Variants in PCSK2 observed in about 807,000 individuals in gnomAD.
PCSK2 encodes the protein proprotein convertase subtilisin/kexin type 2.
PCSK2 carries 14 observed loss-of-function variants against 69.7 expected under a neutral mutation model. The observed-to-expected ratio is 0.20, with a 90% confidence interval of 0.13 to 0.31. PCSK2 has a LOEUF of 0.31. Ranked by LOEUF, PCSK2 falls within the 10% of genes least tolerant of loss-of-function variation. PCSK2 has a pLI of 1.00. For missense variants in PCSK2, 544 were observed against 842.5 expected (o/e 0.65, Z 4.39); for synonymous variants, 307 against 320.7 (o/e 0.96, Z 0.46).
intron 2 of PCSK2, among the ~76,000 whole-genome samples, chr20:17,294,271 A>AT (rs11483900): frequency 0.21 from 31,539 of 147,464 alleles, 3,767 homozygotes; most frequent in Middle Eastern, 0.29. Context: ...CGCCCGGCTA[A>AT]TTTTTTTTGT....
At chr20:17,319,726 A>G (rs1291100850) in intron 2 of PCSK2, among the ~76,000 whole-genome samples, 1 of 152,196 alleles carries the variant, frequency 6.6e-6, no homozygotes, top group Non-Finnish European at 1.5e-5. Context: ...AACCTACCAC[A>G]GACGTATCCT....
chr20:17,268,702 T>C (rs1987737095), intron 2 of PCSK2, among the ~76,000 whole-genome samples: 1 of 152,154 alleles, frequency 6.6e-6, no homozygotes, highest in African/African-American at 2.4e-5. Flanking sequence ...GAACTTTGAA[T>C]TGACTCTGAA....
intron 2 of PCSK2, among the ~76,000 whole-genome samples, chr20:17,332,797 C>T (rs1399117379): frequency 2.6e-5 from 4 of 152,158 alleles, no homozygotes; most frequent in African/African-American, 9.7e-5. Context: ...TGATGGTTTT[C>T]ACCGTAGCAT....
At position 17,259,760 on chromosome 20, in the gene PCSK2, G is replaced by A. The variant is rs184430196; in HGVS notation, c.178-480G>A. On this transcript the variant is annotated intron_variant, in intron 1 of 11. Coordinates refer to ENST00000262545, the MANE Select transcript of PCSK2 (RefSeq NM_002594.5). ...TGCTCAGCCTGATAAAAGGCACCAA[G>A]GGTTCACAGAAAAAGCCCAAGACAC... Among the ~76,000 whole-genome samples the A allele has an allele frequency of 4.2e-3, 643 of 152,254 alleles. 4 individuals are homozygous for A. The highest frequency in any genetic ancestry group is 0.015 in the African/African-American group (623 of 41,544).
intron 2 of PCSK2, among the ~76,000 whole-genome samples, chr20:17,320,426 T>C (rs893720715): frequency 2.0e-5 from 3 of 152,182 alleles, no homozygotes; most frequent in Non-Finnish European, 2.9e-5. Flanking sequence ...TTCTCATGTC[T>C]CCCCTCCCTA....
intron 2 of PCSK2, among the ~76,000 whole-genome samples, chr20:17,277,418 G>T (rs1422143540): frequency 6.6e-6 from 1 of 152,008 alleles, no homozygotes; most frequent in Non-Finnish European, 1.5e-5. Context: ...AATGCCGCAT[G>T]TCTACAACTA....
chr20:17,315,515 C>T (rs532488755), intron 2 of PCSK2, among the ~76,000 whole-genome samples: 10 of 152,250 alleles, frequency 6.6e-5, no homozygotes, highest in African/African-American at 2.4e-4. Flanking sequence ...CGCCCAGCTC[C>T]CGGGTCTCTG....
At chr20:17,277,617 T>A (rs1485582179) in intron 2 of PCSK2, among the ~76,000 whole-genome samples, 1 of 147,598 alleles carries the variant, frequency 6.8e-6, no homozygotes, top group Admixed American at 6.8e-5. Context: ...ATAAAAACCC[T>A]AGAAGAAAAC....
chr20:17,264,720 T>C (rs915506981), intron 2 of PCSK2, among the ~76,000 whole-genome samples: 3 of 151,424 alleles, frequency 2.0e-5, no homozygotes, highest in Admixed American at 6.6e-5. Flanking sequence ...GGACATGATT[T>C]ATATGATTTG....
chr20:17,289,579 CAATT>C (rs1988626871), intron 2 of PCSK2, among the ~76,000 whole-genome samples: 1 of 152,130 alleles, frequency 6.6e-6, no homozygotes, highest in Non-Finnish European at 1.5e-5. Context: ...ACCAACACAT[CAATT>C]AGTCTGTATC....
chr20:17,442,666 G>A (rs2032621298), intron 8 of PCSK2, among the ~76,000 whole-genome samples: 1 of 152,190 alleles, frequency 6.6e-6, no homozygotes, highest in South Asian at 2.1e-4. Flanking sequence ...AGTCCTAGGA[G>A]AGAAACATGT....
chr20:17,258,327 ACCTCTTGTCAATTT>A (rs943552084), intron 1 of PCSK2, among the ~76,000 whole-genome samples: 1 of 152,050 alleles, frequency 6.6e-6, no homozygotes, highest in Non-Finnish European at 1.5e-5. Context: ...GTTGCTGCAA[ACCTCTTGTCAATTT>A]CCTGTGTTCT....
chr20:17,315,313 A>G (rs1292033089), intron 2 of PCSK2, among the ~76,000 whole-genome samples: 2 of 84,516 alleles, frequency 2.4e-5, no homozygotes, highest in Non-Finnish European at 6.0e-5. Flanking sequence ...AAAGAGGAGG[A>G]AAAAAAAAAA....
At chr20:17,311,716 A>AC (rs1339768040) in intron 2 of PCSK2, among the ~76,000 whole-genome samples, 3 of 152,110 alleles carry the variant, frequency 2.0e-5, no homozygotes, top group African/African-American at 7.2e-5. Flanking sequence ...AGGAAGCACA[A>AC]CCCCCATAGA....
chr20:17,351,879 C>T (rs1024054753), intron 2 of PCSK2, among the ~76,000 whole-genome samples: 2 of 152,070 alleles, frequency 1.3e-5, no homozygotes, highest in African/African-American at 4.8e-5. Context: ...AAATAAAAGG[C>T]ATCCAGGAAG....
chr20:17,381,355 G>A (rs773813203), intron 5 of PCSK2, among the ~76,000 whole-genome samples: 1 of 152,162 alleles, frequency 6.6e-6, no homozygotes, highest in Admixed American at 6.5e-5. Flanking sequence ...TGCTCTGCTA[G>A]GCAGAAGAAT....
intron 9 of PCSK2, among the ~76,000 whole-genome samples, chr20:17,454,708 TTAG>T (rs2032886237): frequency 6.6e-6 from 1 of 152,178 alleles, no homozygotes; most frequent in Admixed American, 6.5e-5. Context: ...AAACCAGGAT[TTAG>T]TAGGTGGTTC....
chr20:17,418,176 T>C (rs2032043939), intron 6 of PCSK2, among the ~76,000 whole-genome samples: 1 of 152,224 alleles, frequency 6.6e-6, no homozygotes, highest in Admixed American at 6.5e-5. Context: ...CATGTATTCA[T>C]TCAACTAATT....
At chr20:17,363,993 T>C (rs1279539870) in intron 4 of PCSK2, among the ~76,000 whole-genome samples, 1 of 152,244 alleles carries the variant, frequency 6.6e-6, no homozygotes, top group East Asian at 1.9e-4. Context: ...ACTTTATGAA[T>C]GGGAGCCTCA....
Sources: gnomAD v4.1 joint callset for allele counts (sites outside exome capture counted in the v4.1 genomes callset) on GRCh38, gnomAD v4.1.1 for gene constraint, MANE v1.5 for transcripts, NCBI Gene and HGNC (gene_info 2026-07-23, HGNC 2026-07-21) for gene names.